ANAPC1: variants seen among roughly 807,000 people sequenced by gnomAD.
The protein encoded by ANAPC1 is anaphase promoting complex subunit 1, also known as anaphase-promoting complex subunit 1.
In ANAPC1, 36 loss-of-function variants were observed where a neutral mutation model predicts 208.0. The ratio of observed to expected loss-of-function variants is 0.17; its 90% CI spans 0.13 to 0.23. The LOEUF (loss-of-function observed/expected upper bound fraction) is 0.23, where lower values mean the gene tolerates loss of function less well. ANAPC1 is among the 10% of genes least tolerant of loss of function. The pLI is 1.00. For missense variants in ANAPC1, 942 were observed against 2,011.6 expected (o/e 0.47, Z 10.17); for synonymous variants, 378 against 695.2 (o/e 0.54, Z 7.18).
chr2:111,882,055 G>A (rs1344986163), intron 1 of ANAPC1, among the ~76,000 whole-genome samples: 1 of 152,008 alleles, frequency 6.6e-6, no homozygotes, highest in African/African-American at 2.4e-5. Context: ...TTGGTGGCGG[G>A]CACCTGTAGT....
intron 27 of ANAPC1, 143 bp downstream of exon 27, chr2:111,818,697 A>AACC: frequency 4.2e-6 from 2 of 475,092 alleles, no homozygotes; most frequent in Non-Finnish European, 4.0e-6. Flanking sequence ...GAGCTTTGAT[A>AACC]ACCACTACAG....
At chr2:111,856,552 C>T (rs937320063) in intron 13 of ANAPC1, 62 bp downstream of exon 13, 1 of 1,454,898 alleles carries the variant, frequency 6.9e-7, no homozygotes, top group Non-Finnish European at 9.6e-7. Context: ...AGTAACATTA[C>T]AAATATTCAT....
Position 111,858,298 on chromosome 2 carries a change from A to T in ANAPC1, c.1358+8T>A. On this transcript the variant is annotated splice_region_variant and intron_variant, in intron 11 of 47. Transcript: ENST00000341068. ...TATACAGAAACAATGGGAAAGACATACACCTACCGTAACTGGAGCTGGGAC... is the reference window on the plus strand; with the variant it reads ...TATACAGAAACAATGGGAAAGACATTCACCTACCGTAACTGGAGCTGGGAC... 1.9e-6 allele frequency: 3 copies of T among 1,558,150 alleles called. No homozygotes were observed. Among genetic ancestry groups the T allele is most frequent in the Non-Finnish European group, 2.6e-6 (3 of 1,133,112 alleles).
At chr2:111,860,915 C>T (rs1187548853) in intron 10 of ANAPC1, among the ~76,000 whole-genome samples, 1 of 150,330 alleles carries the variant, frequency 6.7e-6, no homozygotes, top group African/African-American at 2.4e-5. Flanking sequence ...AATAATTCTT[C>T]AATTCTAATC....
intron 6 of ANAPC1, among the ~76,000 whole-genome samples, chr2:111,871,559 T>G (rs1682746671): frequency 6.6e-6 from 1 of 152,156 alleles, no homozygotes; most frequent in African/African-American, 2.4e-5. Context: ...GAGACCAGCA[T>G]GACTAACATG....
chr2:111,815,949 AT>A (rs1165170559), intron 27 of ANAPC1, among the ~76,000 whole-genome samples: 17 of 150,022 alleles, frequency 1.1e-4, no homozygotes, highest in African/African-American at 4.1e-4. Context: ...ATAATCACTC[AT>A]TTTTTCTTTC....
chr2:111,782,666 G>C (rs1214695280), intron 42 of ANAPC1, among the ~76,000 whole-genome samples, 159 bp from the exon 43 acceptor site: 1 of 152,126 alleles, frequency 6.6e-6, no homozygotes, highest in Non-Finnish European at 1.5e-5. Flanking sequence ...CAGTCCCTAT[G>C]AGAAAGCCTA....
intron 33 of ANAPC1, 129 bp from the exon 34 acceptor site, chr2:111,801,000 T>C (rs1025702704): frequency 1.5e-6 from 1 of 653,748 alleles, no homozygotes; most frequent in Non-Finnish European, 2.7e-6. Context: ...AAAATAAGTA[T>C]ATGCAAATGC....
intron 13 of ANAPC1, among the ~76,000 whole-genome samples, chr2:111,854,107 T>C (rs1435663658): frequency 3.3e-5 from 5 of 152,156 alleles, no homozygotes; most frequent in Non-Finnish European, 5.9e-5. Flanking sequence ...AGTAAGACTT[T>C]AAAGTCAAAA....
chr2:111,862,487 A>C lies in ANAPC1; in HGVS notation c.1164T>G (p.Asn388Lys). 1 of 1,611,580 alleles carries C rather than the reference A, an allele frequency of 6.2e-7. No homozygotes were observed. The highest frequency in any genetic ancestry group is 8.5e-7 in the Non-Finnish European group (1 of 1,179,530). ...CAAGAAAGGAGCCATTAGAATTACTATTTGGAGAATGAGAAATACTATGTC... is the reference window on the plus strand; with the variant it reads ...CAAGAAAGGAGCCATTAGAATTACTCTTTGGAGAATGAGAAATACTATGTC... Reference protein sequence around the residue: ...PKRHSISHSPNSNSNGSFLAP... With the variant: ...PKRHSISHSPKSNSNGSFLAP... The change falls in exon 10 of 48, where the codon AAT becomes AAG. Residue 388 changes from asparagine to lysine, a missense_variant. Transcript: ENST00000341068.
intron 46 of ANAPC1, 35 bp from the exon 47 acceptor site, chr2:111,772,510 T>C (rs748656838): frequency 1.7e-5 from 16 of 932,376 alleles, no homozygotes; most frequent in Middle Eastern, 2.8e-4. Context: ...AACCAACTGA[T>C]GACAGAACTG....
intron 18 of ANAPC1, among the ~76,000 whole-genome samples, chr2:111,836,624 G>A (rs1184398750): frequency 1.3e-5 from 2 of 151,040 alleles, no homozygotes; most frequent in African/African-American, 2.4e-5. Context: ...TCCAGCGTAG[G>A]CAACAGAGTG....
rs1276454990 is a variant in ANAPC1 at position 111,768,634 on chromosome 2, T to A, written c.*657A>T. 6.8e-6 allele frequency: 1 copy of A among 147,750 alleles called. No homozygotes were observed. Among genetic ancestry groups the A allele is most frequent in the East Asian group, 2.0e-4 (1 of 5,086 alleles). The allele number at this position is 147,750 out of a possible 1,614,324, so 9.2% of individuals were successfully genotyped here. ...CTACTGAATTAAGGCCCCACCCTTA[T>A]GATGACCTCACTTAACCTTAGTAAT... On this transcript the variant is annotated 3_prime_UTR_variant, in exon 48 of 48. Transcript: ENST00000341068.
intron 45 of ANAPC1, among the ~76,000 whole-genome samples, chr2:111,777,896 CT>C: frequency 6.6e-6 from 1 of 152,292 alleles, no homozygotes; most frequent in South Asian, 2.1e-4. Flanking sequence ...TGTGAACTTA[CT>C]ATATTCACTT....
intron 14 of ANAPC1, 149 bp from the exon 15 acceptor site, chr2:111,848,014 T>A (rs1351530644): frequency 1.9e-6 from 1 of 534,252 alleles, no homozygotes. Flanking sequence ...AGCATGGTGG[T>A]GCACACCTGT....
chr2:111,789,087 G>A (rs77545619), intron 38 of ANAPC1, among the ~76,000 whole-genome samples: 36 of 152,168 alleles, frequency 2.4e-4, no homozygotes, highest in Middle Eastern at 3.2e-3. Flanking sequence ...GCAGTGAGCC[G>A]AGATCGCGCC....
chr2:111,874,868 C>T (rs1374729042), intron 3 of ANAPC1, among the ~76,000 whole-genome samples: 1 of 152,186 alleles, frequency 6.6e-6, no homozygotes, highest in Non-Finnish European at 1.5e-5. Context: ...ACCCAAACTG[C>T]AATGCAAGGC....
intron 47 of ANAPC1, among the ~76,000 whole-genome samples, chr2:111,770,229 AAAT>A: frequency 9.4e-6 from 1 of 106,686 alleles, no homozygotes; most frequent in African/African-American, 3.7e-5. Flanking sequence ...ATATATATAT[AAAT>A]TCTTTAAATA....
chr2:111,875,250 A>G (rs1469425539), intron 3 of ANAPC1, among the ~76,000 whole-genome samples: 2 of 152,104 alleles, frequency 1.3e-5, no homozygotes, highest in African/African-American at 4.8e-5. Flanking sequence ...CTTCTGCCCA[A>G]TTTTTTAATT....
Sources: gnomAD v4.1 joint callset for allele counts (sites outside exome capture counted in the v4.1 genomes callset) on GRCh38, gnomAD v4.1.1 for gene constraint, MANE v1.5 for transcripts, NCBI Gene and HGNC (gene_info 2026-07-23, HGNC 2026-07-21) for gene names.